The following TVP23B variants were observed in gnomAD, a reference collection of about 807,000 sequenced individuals.
TVP23B encodes trans-golgi network vesicle protein 23 homolog B.
In TVP23B, 10 loss-of-function variants were observed where a neutral mutation model predicts 30.6. That is an observed-to-expected ratio of 0.33 (90% CI 0.20 to 0.55). TVP23B has a LOEUF of 0.55. Ranked by LOEUF, TVP23B falls within the 20% of genes least tolerant of loss-of-function variation. TVP23B has a pLI of 0.91. For synonymous variants in TVP23B, 67 were observed against 83.1 expected (o/e 0.81, Z 1.06); for missense variants, 153 against 243.2 (o/e 0.63, Z 2.47).
At chr17:18,800,953 A>G (rs960658045) in intron 5 of TVP23B, among the ~76,000 whole-genome samples, 6 of 152,096 alleles carry the variant, frequency 3.9e-5, no homozygotes, top group Non-Finnish European at 2.9e-5. Flanking sequence ...ACACAGGGGG[A>G]TAAGTTAGGG....
At chr17:18,803,207 G>T (rs1338790939) in intron 5 of TVP23B, among the ~76,000 whole-genome samples, 2 of 151,894 alleles carry the variant, frequency 1.3e-5, no homozygotes, top group Non-Finnish European at 2.9e-5. Flanking sequence ...AACAAGGGTT[G>T]GCAAACTATG....
chr17:18,793,728 A>G (rs1274694250), intron 3 of TVP23B, among the ~76,000 whole-genome samples: 6 of 152,124 alleles, frequency 3.9e-5, no homozygotes, highest in Non-Finnish European at 8.8e-5. Context: ...GCAACTGTCA[A>G]GGAAGCTTAA....
chr17:18,783,876 G>A (rs2035854102), intron 1 of TVP23B, among the ~76,000 whole-genome samples: 1 of 152,194 alleles, frequency 6.6e-6, no homozygotes. Flanking sequence ...GCCGGGCGCG[G>A]TGGCTCACGC....
intron 1 of TVP23B, among the ~76,000 whole-genome samples, chr17:18,786,924 G>A (rs1174255894): frequency 6.7e-6 from 1 of 149,464 alleles, no homozygotes; most frequent in East Asian, 2.0e-4. Context: ...CTTCTCCAGT[G>A]CCCTGTAGTA....
intron 3 of TVP23B, among the ~76,000 whole-genome samples, chr17:18,794,333 T>C (rs1266372465): frequency 6.6e-6 from 1 of 152,236 alleles, no homozygotes; most frequent in Non-Finnish European, 1.5e-5. Context: ...CCAAAGCACC[T>C]ACATTTTCTA....
intron 5 of TVP23B, among the ~76,000 whole-genome samples, chr17:18,802,634 G>A: frequency 6.6e-6 from 1 of 151,962 alleles, no homozygotes; most frequent in South Asian, 2.1e-4. Context: ...TATGTTTGTT[G>A]GTATTAGTTT....
chr17:18,798,794 A>G lies in TVP23B; in HGVS notation c.331-18A>G. On this transcript the variant is annotated intron_variant, in intron 4 of 6. Transcript: ENST00000307767. ...ATAAATTTCACAACATGATAATTGA[A>G]TTTATGTTCTTTTATAGGAGTCCTC... The G allele has an allele frequency of 1.3e-6, 2 of 1,589,588 alleles. No homozygotes were observed. The highest frequency in any genetic ancestry group is 1.7e-6 in the Non-Finnish European group (2 of 1,172,784).
intron 2 of TVP23B, 147 bp from the exon 3 acceptor site, chr17:18,790,749 G>T: frequency 7.5e-7 from 1 of 1,332,044 alleles, no homozygotes. Flanking sequence ...AGAGAGCTAG[G>T]AGGTTTGCTT....
At chr17:18,788,314 G>C (rs2035939490) in intron 1 of TVP23B, among the ~76,000 whole-genome samples, 2 of 103,042 alleles carry the variant, frequency 1.9e-5, no homozygotes, top group Admixed American at 2.6e-4. Context: ...CTGAGCGACA[G>C]AGCAAGACTC....
intron 1 of TVP23B, chr17:18,782,602 G>T (rs2035824802): frequency 6.6e-6 from 1 of 152,228 alleles, no homozygotes; most frequent in African/African-American, 2.4e-5. Flanking sequence ...TAAAGGAGTG[G>T]CTACTCCATA....
chr17:18,783,162 A>G (rs1217120898), intron 1 of TVP23B, among the ~76,000 whole-genome samples: 1 of 150,816 alleles, frequency 6.6e-6, no homozygotes, highest in Non-Finnish European at 1.5e-5. Flanking sequence ...CTGGAGTACA[A>G]TGGTGTGATC....
chr17:18,804,742 C>G, intron 6 of TVP23B: 1 of 374,302 alleles, frequency 2.7e-6, no homozygotes, highest in African/African-American at 2.2e-5. Flanking sequence ...GCGCATGCCA[C>G]CACGCCCAGC....
chr17:18,801,497 T>G (rs745400605), intron 5 of TVP23B, among the ~76,000 whole-genome samples: 7 of 152,210 alleles, frequency 4.6e-5, no homozygotes, highest in Non-Finnish European at 8.8e-5. Flanking sequence ...GGAGTTGCAG[T>G]GCTGGGTTTG....
In TVP23B at chr17:18,805,862, G is replaced by A; in HGVS notation, c.*295G>A. 1.7e-6 allele frequency: 2 copies of A among 1,159,262 alleles called. No individual in the cohort carries two copies. Among genetic ancestry groups the A allele is most frequent in the Non-Finnish European group, 2.1e-6 (2 of 939,206 alleles). The allele number at this position is 1,159,262 out of a possible 1,614,324, so 71.8% of individuals were successfully genotyped here. ...GCCATGTAATATCAGTATATCCCAA[G>A]TTAATGAAAGTGTTCATTTACATAG... On this transcript the variant is annotated 3_prime_UTR_variant, in exon 7 of 7. Coordinates refer to ENST00000307767, the MANE Select transcript of TVP23B (RefSeq NM_016078.6).
intron 3 of TVP23B, among the ~76,000 whole-genome samples, chr17:18,793,527 C>T (rs988070188): frequency 1.1e-4 from 16 of 145,948 alleles, no homozygotes; most frequent in Admixed American, 1.1e-3. Context: ...AGGCAGGAGG[C>T]GGAGCTTGCA....
chr17:18,805,627 A>G lies in TVP23B; in HGVS notation c.*60A>G, dbSNP rs573154254. Reference sequence around the variant, plus strand: ...AACAACTGAAGAGATTCTTGACTCAACCTTTTAGAGCTTAGTCCATGTTGC... The same window carrying G: ...AACAACTGAAGAGATTCTTGACTCAGCCTTTTAGAGCTTAGTCCATGTTGC... On this transcript the variant is annotated 3_prime_UTR_variant, in exon 7 of 7. Coordinates refer to ENST00000307767, the MANE Select transcript of TVP23B (RefSeq NM_016078.6). 7 of 1,579,020 alleles carry G rather than the reference A, an allele frequency of 4.4e-6. No homozygotes were observed. The South Asian group carries it at 4.7e-5, about 11-fold the overall frequency.
chr17:18,800,543 A>G (rs1162230064), intron 5 of TVP23B, among the ~76,000 whole-genome samples: 31 of 150,962 alleles, frequency 2.1e-4, no homozygotes, highest in African/African-American at 6.4e-4. Flanking sequence ...TCTTTTTGGA[A>G]GATGCTATTC....
At chr17:18,799,824 C>T (rs2036130289) in intron 5 of TVP23B, among the ~76,000 whole-genome samples, 1 of 151,566 alleles carries the variant, frequency 6.6e-6, no homozygotes, top group African/African-American at 2.4e-5. Flanking sequence ...TTATGTTTTT[C>T]CTCCTAATTT....
chr17:18,785,403 T>TC (rs1555540161), intron 1 of TVP23B, among the ~76,000 whole-genome samples: 2 of 150,414 alleles, frequency 1.3e-5, no homozygotes, highest in South Asian at 2.1e-4. Context: ...TTTTTTTTTT[T>TC]AAATCTGTAC....
Sources: gnomAD v4.1 joint callset for allele counts (sites outside exome capture counted in the v4.1 genomes callset) on GRCh38, gnomAD v4.1.1 for gene constraint, MANE v1.5 for transcripts, NCBI Gene and HGNC (gene_info 2026-07-23, HGNC 2026-07-21) for gene names.